Variants in FSTL5 observed in about 807,000 individuals in gnomAD.
FSTL5 encodes follistatin-related protein 5.
A neutral mutation model predicts 89.1 loss-of-function variants in FSTL5; 62 were observed. The ratio of observed to expected loss-of-function variants is 0.70; its 90% CI spans 0.57 to 0.86. FSTL5 has a LOEUF of 0.86. Among genes scored for constraint, FSTL5 ranks in the 40% least tolerant of loss-of-function variants. The probability of loss-of-function intolerance (pLI) is 0.00; values close to 1 mark genes in which losing one functional copy is unlikely to be tolerated. For synonymous variants in FSTL5, 383 were observed against 346.2 expected, an observed-to-expected ratio of 1.11 and a Z score of -1.18; for missense variants, 1,057 against 1,001.6, an observed-to-expected ratio of 1.06 and a Z score of -0.75.
At chr4:161,539,904 T>C (rs1731759110) in intron 9 of FSTL5, among the ~76,000 whole-genome samples, 1 of 210 alleles carries the variant, frequency 4.8e-3, no homozygotes, top group African/African-American at 0.017. Context: ...AATCATACCT[T>C]TTTTTTTTTT....
At chr4:161,964,889 A>T (rs1560940734) in intron 3 of FSTL5, among the ~76,000 whole-genome samples, 1 of 152,030 alleles carries the variant, frequency 6.6e-6, no homozygotes, top group Non-Finnish European at 1.5e-5. Flanking sequence ...GCTTCTTGAA[A>T]AGTATAATAA....
chr4:161,433,351 C>T (rs1732448008), intron 15 of FSTL5, among the ~76,000 whole-genome samples: 1 of 151,832 alleles, frequency 6.6e-6, no homozygotes, highest in Admixed American at 6.6e-5. Flanking sequence ...TGATAAAATT[C>T]AATATCCCTT....
Position 162,144,154 on chromosome 4 carries a change from G to A in FSTL5, c.-17+19461C>T, listed in dbSNP as rs554569101. 2.0e-5 allele frequency among the ~76,000 whole-genome samples: 3 copies of A among 152,244 alleles called. No homozygotes were observed. In the South Asian group the frequency reaches 6.2e-4, roughly 32 times the overall value. On this transcript the variant is annotated intron_variant, in intron 1 of 15. Transcript: ENST00000306100. ...TAGTGGAGAAAAGAACTTGCCTAGA[G>A]ACTGGTCTGCGGGAGATAAACAAAA...
chr4:161,804,613 C>T (rs957720346), intron 4 of FSTL5, among the ~76,000 whole-genome samples: 1 of 151,400 alleles, frequency 6.6e-6, no homozygotes, highest in East Asian at 1.9e-4. Context: ...TTTATATTAC[C>T]TTTTAAATTA....
intron 11 of FSTL5, among the ~76,000 whole-genome samples, chr4:161,507,821 TA>T (rs1422399097): frequency 2.0e-5 from 3 of 151,894 alleles, no homozygotes; most frequent in African/African-American, 7.2e-5. Context: ...ATTATTAATA[TA>T]AAAATAACAT....
At chr4:161,691,429 G>T (rs1737938446) in intron 6 of FSTL5, among the ~76,000 whole-genome samples, 1 of 152,028 alleles carries the variant, frequency 6.6e-6, no homozygotes, top group Admixed American at 6.6e-5. Context: ...ACACTTGATT[G>T]TTATATTTTT....
rs780769364 is a variant in FSTL5 at position 161,459,185 on chromosome 4, T to G, written c.1716+27A>C. The G allele has an allele frequency of 9.8e-6, 12 of 1,223,480 alleles. No individual in the cohort carries two copies. In the South Asian group the frequency reaches 1.3e-4, roughly 14 times the overall value. 75.8% of individuals were successfully genotyped at this position (1,223,480 alleles called of 1,614,324 possible). A position where few individuals can be genotyped will look rare whatever the true frequency, so the allele number is the denominator to read the frequency against. ...GTTGAAAGCTTTAAAGATTGTTATT[T>G]TCTCTAATATACTGAAATGTACTTA... is the stretch of plus-strand genomic sequence containing the variant. On this transcript the variant is annotated intron_variant, in intron 14 of 15. Transcript: ENST00000306100.
intron 1 of FSTL5, among the ~76,000 whole-genome samples, chr4:162,147,228 ATTAGTTTC>A (rs1390887838): frequency 2.6e-5 from 4 of 151,996 alleles, no homozygotes; most frequent in Non-Finnish European, 4.4e-5. Context: ...TTATCTGGGA[ATTAGTTTC>A]TTAGTTTCTT....
intron 2 of FSTL5, among the ~76,000 whole-genome samples, chr4:162,106,497 C>T (rs908309098): frequency 6.6e-5 from 10 of 152,064 alleles, no homozygotes; most frequent in Non-Finnish European, 1.3e-4. Context: ...ATTAGATACA[C>T]GTTAATATGC....
chr4:162,138,551 G>C (rs928721076), intron 1 of FSTL5, among the ~76,000 whole-genome samples: 2 of 151,936 alleles, frequency 1.3e-5, no homozygotes, highest in Non-Finnish European at 2.9e-5. Context: ...TACTTACTGA[G>C]ATAAATTTTA....
intron 15 of FSTL5, among the ~76,000 whole-genome samples, chr4:161,397,441 A>C (rs988011140): frequency 3.3e-5 from 5 of 151,792 alleles, no homozygotes; most frequent in Non-Finnish European, 5.9e-5. Context: ...TAGGGAAAAT[A>C]TAGGCTATAT....
intron 4 of FSTL5, among the ~76,000 whole-genome samples, chr4:161,882,506 T>C (rs1464943858): frequency 6.6e-6 from 1 of 152,128 alleles, no homozygotes; most frequent in Non-Finnish European, 1.5e-5. Flanking sequence ...CTGTTTGTTA[T>C]TTTACACATG....
At chr4:161,504,707 A>G (rs1730417809) in intron 11 of FSTL5, among the ~76,000 whole-genome samples, 1 of 152,006 alleles carries the variant, frequency 6.6e-6, no homozygotes, top group Non-Finnish European at 1.5e-5. Flanking sequence ...GGATTTTCTA[A>G]TCAATATTGT....
chr4:162,041,738 T>A (rs1234568733), intron 2 of FSTL5: 1 of 151,994 alleles, frequency 6.6e-6, no homozygotes, highest in East Asian at 1.9e-4. Context: ...AAGATATCAA[T>A]GACATGCACT....
At chr4:161,900,952 C>T (rs1033891495) in intron 4 of FSTL5, among the ~76,000 whole-genome samples, 2 of 151,746 alleles carry the variant, frequency 1.3e-5, no homozygotes, top group Non-Finnish European at 2.9e-5. Context: ...TTACACTATC[C>T]ACCTGGAGAT....
chr4:161,684,649 T>C (rs994382768), intron 6 of FSTL5, among the ~76,000 whole-genome samples: 3 of 152,212 alleles, frequency 2.0e-5, no homozygotes, highest in Non-Finnish European at 4.4e-5. Flanking sequence ...GAGTTCCTTG[T>C]AGATTCTGGA....
At chr4:161,969,936 A>C (rs1735434580) in intron 3 of FSTL5, among the ~76,000 whole-genome samples, 1 of 152,084 alleles carries the variant, frequency 6.6e-6, no homozygotes, top group Non-Finnish European at 1.5e-5. Context: ...TTTTAGTATT[A>C]CTGTGTGTGG....
intron 3 of FSTL5, among the ~76,000 whole-genome samples, chr4:162,032,133 C>T (rs1342513149): frequency 6.6e-6 from 1 of 151,860 alleles, no homozygotes; most frequent in Admixed American, 6.6e-5. Context: ...TTTATATACC[C>T]CAAGGCAATA....
chr4:161,630,607 T>A (rs376028483), intron 7 of FSTL5, among the ~76,000 whole-genome samples: 1 of 152,238 alleles, frequency 6.6e-6, no homozygotes, highest in Non-Finnish European at 1.5e-5. Context: ...TGATTGGCTA[T>A]ATCACTAACT....
Sources: allele counts gnomAD v4.1 joint callset (sites outside exome capture counted in the v4.1 genomes callset), GRCh38; gene constraint gnomAD v4.1.1; transcripts MANE v1.5; gene names NCBI Gene and HGNC (gene_info 2026-07-23, HGNC 2026-07-21).